Variants in RAET1L observed in about 807,000 individuals in gnomAD.
RAET1L encodes the protein UL16-binding protein 6.
RAET1L carries 16 observed loss-of-function variants against 23.9 expected under a neutral mutation model. That is an observed-to-expected ratio of 0.67 (90% CI 0.45 to 1.02). The LOEUF (loss-of-function observed/expected upper bound fraction) is 1.02. Ranked by LOEUF, RAET1L falls within the 50% of genes least tolerant of loss-of-function variation. The probability of loss-of-function intolerance (pLI) is 0.00; values close to 1 mark genes in which losing one functional copy is unlikely to be tolerated. For missense variants in RAET1L, 233 were observed against 304.0 expected (o/e 0.77, Z 1.74); for synonymous variants, 70 against 111.2 (o/e 0.63, Z 2.33).
intron 4 of RAET1L, among the ~76,000 whole-genome samples, chr6:150,019,425 T>C (rs1403377705): frequency 6.6e-6 from 1 of 152,178 alleles, no homozygotes; most frequent in Non-Finnish European, 1.5e-5. Flanking sequence ...CTGGCAGGGC[T>C]ATGACTGGGC....
chr6:150,020,776 GC>G, intron 3 of RAET1L, 128 bp downstream of exon 3: 1 of 1,464,830 alleles, frequency 6.8e-7, no homozygotes, highest in Non-Finnish European at 9.2e-7. Context: ...CAGGAGGAGG[GC>G]CCGACGAGGA....
rs139983884 is a variant in RAET1L at position 150,022,103 on chromosome 6, G to A, written c.226C>T (p.Pro76Ser). ...GTGACATTTAGTTTCTTCCCCAGGGGACTGACGGGTGTGACTGTCTTGTTG... is the reference window on the plus strand; with the variant it reads ...GTGACATTTAGTTTCTTCCCCAGGGAACTGACGGGTGTGACTGTCTTGTTG... ...CGNKTVTPVS[P>S]LGKKLNVTMA... Residue 76 changes from proline (P) to serine (S), a missense_variant, in exon 2 of 5, where the codon CCC becomes TCC. This residue lies in a region of RAET1L where 44 missense variants were observed against 107.4 expected (regional missense o/e 0.41). Coordinates refer to ENST00000367341, the MANE Select transcript of RAET1L (RefSeq NM_130900.3). 5.3e-4 allele frequency: 855 copies of A among 1,601,218 alleles called. 19 individuals are homozygous for A. The African/African-American group carries it at 0.01, about 19-fold the overall frequency.
intron 2 of RAET1L, 66 bp downstream of exon 2, chr6:150,021,914 A>G: frequency 6.3e-7 from 1 of 1,588,674 alleles, no homozygotes; most frequent in South Asian, 1.1e-5. Context: ...TTTACATGAA[A>G]ACTATAAATG....
Position 150,018,447 on chromosome 6 carries a change from C to T in RAET1L, c.*431G>A, listed in dbSNP as rs1779846883. Reference sequence around the variant, plus strand: ...ATTAAATAATTAAACAATTCTCTTTCAGGACATGGAAAGAATCCCTGGAGG... The same window carrying T: ...ATTAAATAATTAAACAATTCTCTTTTAGGACATGGAAAGAATCCCTGGAGG... On this transcript the variant is annotated 3_prime_UTR_variant, in exon 5 of 5. Coordinates refer to ENST00000367341, the MANE Select transcript of RAET1L (RefSeq NM_130900.3). 1 of 152,118 alleles carries T rather than the reference C, an allele frequency of 6.6e-6. No homozygotes were observed. Among genetic ancestry groups the T allele is most frequent in the African/African-American group, 2.4e-5 (1 of 41,406 alleles). The allele number at this position is 152,118 out of a possible 1,614,324, so 9.4% of individuals were successfully genotyped here. A position where few individuals can be genotyped will look rare whatever the true frequency, so the allele number is the denominator to read the frequency against.
intron 3 of RAET1L, 126 bp from the exon 4 acceptor site, chr6:150,020,365 G>A: frequency 6.4e-7 from 1 of 1,566,632 alleles, no homozygotes; most frequent in Non-Finnish European, 8.7e-7. Context: ...CCCTGGTGTG[G>A]GGCAGCCAGT....
chr6:150,020,176 C>T lies in RAET1L; in HGVS notation c.695G>A (p.Cys232Tyr), dbSNP rs151268095. 1,072 of 1,374,134 alleles carry T rather than the reference C, an allele frequency of 7.8e-4. 4 individuals carry two copies. The African/African-American group carries it at 0.013, about 16-fold the overall frequency. The allele number at this position is 1,374,134 out of a possible 1,614,324, so 85.1% of individuals were successfully genotyped here. A position where few individuals can be genotyped will look rare whatever the true frequency, so the allele number is the denominator to read the frequency against. Residue 232 changes from cysteine to tyrosine, a missense_variant, in exon 4 of 5, where the codon TGC becomes TAC. Around this residue, in one of 4 missense-constraint regions of RAET1L, gnomAD observed 8 missense variants for 36.3 expected, o/e 0.22. Coordinates refer to ENST00000367341, the MANE Select transcript of RAET1L (RefSeq NM_130900.3). The part of the protein sequence containing the change: ...LRATATTLIL[C>Y]CLLIILPCFI... Reference sequence around the variant, plus strand: ...GCAGGGGAGGATGATGAGGAGGCAGCAAAGGATGAGGGTGGTGGCTGTGGC... The same window carrying T: ...GCAGGGGAGGATGATGAGGAGGCAGTAAAGGATGAGGGTGGTGGCTGTGGC...
At chr6:150,020,406 G>C (rs981574151) in intron 3 of RAET1L, among the ~76,000 whole-genome samples, 167 bp from the exon 4 acceptor site, 1 of 152,086 alleles carries the variant, frequency 6.6e-6, no homozygotes, top group Non-Finnish European at 1.5e-5. Context: ...AAGGGAGACG[G>C]GGTGTGTCTT....
Position 150,018,869 on chromosome 6 carries a change from C to A in RAET1L, c.*23-14G>T, listed in dbSNP as rs536806798. 8.2e-5 allele frequency: 27 copies of A among 330,108 alleles called. No homozygotes were observed. The highest frequency in any genetic ancestry group is 2.7e-4 in the South Asian group (11 of 41,232). 20.4% of individuals were successfully genotyped at this position (330,108 alleles called of 1,614,324 possible). ...ATCATCTTTAACCTTCAGAAAGGAC[C>A]CAAATGTTGGTTTAAGAGGCAGAGA... On this transcript the variant is annotated splice_polypyrimidine_tract_variant and intron_variant, in intron 4 of 4. Transcript: ENST00000367341.
intron 3 of RAET1L, among the ~76,000 whole-genome samples, chr6:150,020,569 A>G (rs1278715572): frequency 2.0e-5 from 3 of 152,196 alleles, no homozygotes; most frequent in African/African-American, 7.2e-5. Flanking sequence ...TTCCAGAACC[A>G]GACCAGGGAA....
In RAET1L at chr6:150,025,486, G is replaced by T; in HGVS notation, c.-15C>A. On this transcript the variant is annotated 5_prime_UTR_variant, in exon 1 of 5. Transcript: ENST00000367341. ...GCTGCTGCCATTGGGGACCAGGAGG[G>T]CTGGGGACAAGAGATTTAATCAAGG... The T allele has an allele frequency of 6.2e-7, 1 of 1,607,684 alleles. No homozygotes were observed. Among genetic ancestry groups the T allele is most frequent in the South Asian group, 1.1e-5 (1 of 90,850 alleles).
In RAET1L at chr6:150,025,054, C is replaced by CG. The variant is rs371691600; in HGVS notation, c.85+332dup. On this transcript the variant is annotated intron_variant, in intron 1 of 4. Transcript: ENST00000367341. ...CCAGTCCTGACCCCAGCTCTGTTCC[C>CG]GGGGGGGCTCTGGTTTCTCCTTCCG... Among the ~76,000 whole-genome samples, 311 of 152,074 alleles carry CG rather than the reference C, an allele frequency of 2.0e-3. 2 individuals carry two copies. The highest frequency in any genetic ancestry group is 6.9e-3 in the African/African-American group (286 of 41,480).
chr6:150,020,765 C>G (rs1434300478), intron 3 of RAET1L, 140 bp downstream of exon 3: 3 of 1,404,926 alleles, frequency 2.1e-6, no homozygotes, highest in African/African-American at 2.9e-5. Flanking sequence ...GCCAGTAACC[C>G]CAGGAGGAGG....
intron 1 of RAET1L, among the ~76,000 whole-genome samples, chr6:150,023,354 G>C (rs1339380452): frequency 6.6e-6 from 1 of 151,706 alleles, no homozygotes; most frequent in Non-Finnish European, 1.5e-5. Context: ...TCAAGAACGA[G>C]GCTGCTTTGC....
Position 150,018,813 on chromosome 6 carries a change from A to G in RAET1L, c.*65T>C. On this transcript the variant is annotated 3_prime_UTR_variant, in exon 5 of 5. Coordinates refer to ENST00000367341, the MANE Select transcript of RAET1L (RefSeq NM_130900.3). ...CTGGCCAGACAGAAGGGCGAGGTTGATCAAGACCGTGCTCACAGGGGCTTT... is the reference window on the plus strand; with the variant it reads ...CTGGCCAGACAGAAGGGCGAGGTTGGTCAAGACCGTGCTCACAGGGGCTTT... 3.0e-6 allele frequency: 1 copy of G among 332,888 alleles called. No individual in the cohort carries two copies. The highest frequency in any genetic ancestry group is 5.9e-6 in the Non-Finnish European group (1 of 169,252). The allele number at this position is 332,888 out of a possible 1,614,324, so 20.6% of individuals were successfully genotyped here.
At chr6:150,021,338 T>TTTC in intron 2 of RAET1L, 152 bp from the exon 3 acceptor site, 1 of 815,514 alleles carries the variant, frequency 1.2e-6, no homozygotes, top group African/African-American at 1.9e-5. Flanking sequence ...CATTTGTATT[T>TTTC]TTTTTTTTTT....
chr6:150,025,417 G>T lies in RAET1L; in HGVS notation c.55C>A (p.Leu19Met), dbSNP rs199713884. The T allele has an allele frequency of 2.0e-4, 325 of 1,613,958 alleles. No individual in the cohort carries two copies. The highest frequency in any genetic ancestry group is 2.7e-4 in the Non-Finnish European group (314 of 1,179,924). ...CGCCTAGCCCGGGACCAGCCGAACA[G>T]CAGGAACAGAAGCGGGAGGCACAGA... ...LLLCLPLLFL[L>M]FGWSRARRDD... Residue 19 changes from leucine to methionine, a missense_variant, in exon 1 of 5, where the codon CTG becomes ATG. Around this residue, in one of 4 missense-constraint regions of RAET1L, gnomAD observed 42 missense variants for 35.0 expected, o/e 1.20. Transcript: ENST00000367341.
At chr6:150,021,235 C>T (rs751984340) in intron 2 of RAET1L, 49 bp from the exon 3 acceptor site, 42 of 1,566,806 alleles carry the variant, frequency 2.7e-5, no homozygotes, top group Non-Finnish European at 3.6e-5. Context: ...AATTTTGCAC[C>T]CCCATCCTGT....
chr6:150,025,300 G>T, intron 1 of RAET1L, 87 bp downstream of exon 1: 1 of 1,148,338 alleles, frequency 8.7e-7, no homozygotes. Flanking sequence ...TGTCCTTCCA[G>T]AAGCCTTCCC....
chr6:150,020,353 C>G lies in RAET1L; in HGVS notation c.632-114G>C, dbSNP rs1051136081. 5.0e-6 allele frequency: 8 copies of G among 1,591,540 alleles called. No individual in the cohort carries two copies. In the Admixed American group the frequency reaches 1.1e-4, roughly 21 times the overall value. The stretch of plus-strand genomic sequence containing the variant: ...TGGAAGGCAAAAGTTTTGTCCCCTC[C>G]CCCCTGGTGTGGGGCAGCCAGTATG... On this transcript the variant is annotated intron_variant, in intron 3 of 4. Transcript: ENST00000367341.
Sources: gnomAD v4.1 joint callset for allele counts (sites outside exome capture counted in the v4.1 genomes callset) on GRCh38, gnomAD v4.1.1 for gene constraint, gnomAD v4.1.1 regional missense constraint, MANE v1.5 for transcripts, NCBI Gene and HGNC (gene_info 2026-07-23, HGNC 2026-07-21) for gene names.